PDE11A: variants seen among roughly 807,000 people sequenced by gnomAD.
The protein encoded by PDE11A is dual 3',5'-cyclic-AMP and -GMP phosphodiesterase 11A.
Under a neutral mutation model 100.5 loss-of-function variants are expected in PDE11A, and 100 were observed. The ratio of observed to expected loss-of-function variants is 1.00; its 90% CI spans 0.85 to 1.18. PDE11A has a LOEUF of 1.18. PDE11A is among the 50% of genes most tolerant of loss of function. The pLI is 0.00. For synonymous variants in PDE11A, 381 were observed against 420.8 expected, an observed-to-expected ratio of 0.91 and a Z score of 1.16; for missense variants, 1,141 against 1,152.6, an observed-to-expected ratio of 0.99 and a Z score of 0.15.
chr2:177,772,613 A>G (rs999776591), intron 9 of PDE11A, among the ~76,000 whole-genome samples: 17 of 152,266 alleles, frequency 1.1e-4, no homozygotes, highest in Middle Eastern at 3.4e-3. Flanking sequence ...TTTACCTTTA[A>G]AAAATAACCC....
At chr2:177,910,618 C>CT (rs1197012896) in intron 2 of PDE11A, among the ~76,000 whole-genome samples, 1 of 150,940 alleles carries the variant, frequency 6.6e-6, no homozygotes, top group Non-Finnish European at 1.5e-5. Flanking sequence ...TTGTGCAGCA[C>CT]TTTTCGGCTT....
intron 19 of PDE11A, among the ~76,000 whole-genome samples, chr2:177,651,054 T>TA (rs1453628819): frequency 6.6e-6 from 1 of 152,210 alleles, no homozygotes; most frequent in Admixed American, 6.5e-5. Flanking sequence ...AGAAGCTCTA[T>TA]AGCTTCAGTT....
At chr2:177,631,547 ACACATG>A (rs1479231664) in intron 19 of PDE11A, among the ~76,000 whole-genome samples, 24 of 7,152 alleles carry the variant, frequency 3.4e-3, no homozygotes, top group African/African-American at 3.8e-3. Context: ...ATATATATAT[ACACATG>A]TATATATATA....
At chr2:177,959,660 G>A (rs1311698907) in intron 2 of PDE11A, among the ~76,000 whole-genome samples, 1 of 152,120 alleles carries the variant, frequency 6.6e-6, no homozygotes, top group African/African-American at 2.4e-5. Flanking sequence ...TTGGGGGAAT[G>A]GTGTGGTCCT....
intron 4 of PDE11A, among the ~76,000 whole-genome samples, chr2:177,885,201 AGTGT>A (rs5836630): frequency 2.1e-4 from 32 of 149,406 alleles, no homozygotes; most frequent in African/African-American, 3.2e-4. Flanking sequence ...TAATGATGTG[AGTGT>A]GTGTGTGTGT....
At chr2:177,753,186 A>G (rs1241141910) in intron 10 of PDE11A, among the ~76,000 whole-genome samples, 1 of 152,226 alleles carries the variant, frequency 6.6e-6, no homozygotes. Flanking sequence ...TTGAAAGTGA[A>G]TGCCTTTCCA....
chr2:177,915,199 T>C (rs1392408973), intron 2 of PDE11A, among the ~76,000 whole-genome samples: 5 of 152,202 alleles, frequency 3.3e-5, no homozygotes, highest in Non-Finnish European at 7.4e-5. Context: ...GACACATTAT[T>C]AACTAAAGTC....
intron 13 of PDE11A, among the ~76,000 whole-genome samples, chr2:177,704,372 C>T (rs1476026668): frequency 6.6e-6 from 1 of 151,874 alleles, no homozygotes; most frequent in Non-Finnish European, 1.5e-5. Context: ...ACCATCTAAG[C>T]AAGAATACTT....
intron 2 of PDE11A, among the ~76,000 whole-genome samples, chr2:177,941,219 G>A (rs2085342300): frequency 6.6e-6 from 1 of 152,150 alleles, no homozygotes; most frequent in African/African-American, 2.4e-5. Context: ...AGGAAACTGT[G>A]GCTTGAAGAC....
At chr2:177,852,461 A>C (rs761192904) in intron 5 of PDE11A, among the ~76,000 whole-genome samples, 7 of 152,134 alleles carry the variant, frequency 4.6e-5, no homozygotes, top group Non-Finnish European at 1.0e-4. Context: ...GGTTGGGTTC[A>C]CAAAAAGAAA....
At chr2:178,068,550 A>C (rs16866042) in intron 1 of PDE11A, among the ~76,000 whole-genome samples, 49,450 of 151,884 alleles carry the variant, frequency 0.33, 10,133 homozygotes, top group East Asian at 0.55. Context: ...CTGAAGAAAA[A>C]ATACACTGTC....
chr2:178,105,858 CA>C (rs35828567), intron 1 of PDE11A: 184,953 of 268,934 alleles, frequency 0.69, 58,041 homozygotes, highest in Admixed American at 0.8. Flanking sequence ...GGTTTCTGTC[CA>C]AAAAAAAAAA....
intron 5 of PDE11A, among the ~76,000 whole-genome samples, chr2:177,867,279 G>T (rs1283587663): frequency 6.6e-6 from 1 of 152,170 alleles, no homozygotes; most frequent in East Asian, 1.9e-4. Context: ...AGCTTCACCA[G>T]GGTTGCATGC....
intron 1 of PDE11A, among the ~76,000 whole-genome samples, chr2:178,070,153 T>G (rs1030621690): frequency 2.6e-5 from 4 of 152,246 alleles, no homozygotes; most frequent in African/African-American, 9.6e-5. Context: ...GAATAAACAC[T>G]TGTTGAAAAC....
chr2:177,717,456 T>A (rs2081457182), intron 12 of PDE11A, among the ~76,000 whole-genome samples: 1 of 152,128 alleles, frequency 6.6e-6, no homozygotes, highest in Non-Finnish European at 1.5e-5. Context: ...TTTACCCCAT[T>A]CTTGACTCTG....
In PDE11A at chr2:177,748,646, T is replaced by TA. The variant is rs2081986581; in HGVS notation, c.1789-20475dup. Among the ~76,000 whole-genome samples the TA allele has an allele frequency of 3.3e-5, 5 of 152,272 alleles. No individual in the cohort carries two copies. The East Asian group carries it at 9.6e-4, about 29-fold the overall frequency. ...GCATGAGACAGCAGTTTTTTTTTTTTATTCTTTTAAAGGTCACAAAGGATA... is the reference window on the plus strand; with the variant it reads ...GCATGAGACAGCAGTTTTTTTTTTTTAATTCTTTTAAAGGTCACAAAGGATA... On this transcript the variant is annotated intron_variant, in intron 10 of 19. Transcript: ENST00000286063.
intron 2 of PDE11A, chr2:178,104,153 G>A: frequency 1.3e-6 from 1 of 742,038 alleles, no homozygotes; most frequent in Admixed American, 2.1e-5. Context: ...CCAAATGCAG[G>A]TCTTATGATA....
chr2:178,029,541 C>T (rs189680137), intron 1 of PDE11A, among the ~76,000 whole-genome samples: 82 of 151,650 alleles, frequency 5.4e-4, no homozygotes, highest in Admixed American at 3.8e-3. Context: ...GTTGTAAATG[C>T]TTACCTCAGG....
chr2:177,635,792 A>T (rs965125352), intron 19 of PDE11A, among the ~76,000 whole-genome samples: 2 of 151,938 alleles, frequency 1.3e-5, no homozygotes, highest in African/African-American at 4.8e-5. Context: ...ATACAGAGGG[A>T]TCTGCACTTT....
Sources: gnomAD v4.1 joint callset for allele counts (sites outside exome capture counted in the v4.1 genomes callset) on GRCh38, gnomAD v4.1.1 for gene constraint, MANE v1.5 for transcripts, NCBI Gene and HGNC (gene_info 2026-07-23, HGNC 2026-07-21) for gene names.